The following LIMS1 variants were observed in gnomAD, a reference collection of about 807,000 sequenced individuals.
LIMS1 encodes the protein LIM zinc finger domain containing 1, also known as LIM and senescent cell antigen-like-containing domain protein 1.
A neutral mutation model predicts 44.1 loss-of-function variants in LIMS1; 18 were observed. That is an observed-to-expected ratio of 0.41 (90% CI 0.28 to 0.61). The LOEUF (loss-of-function observed/expected upper bound fraction) is 0.61. LIMS1 is among the 20% of genes least tolerant of loss of function. The probability of loss-of-function intolerance (pLI) is 0.32; values close to 1 mark genes in which losing one functional copy is unlikely to be tolerated. For missense variants in LIMS1, 201 were observed against 422.0 expected, an observed-to-expected ratio of 0.48 and a Z score of 4.59; for synonymous variants, 93 against 149.1, an observed-to-expected ratio of 0.62 and a Z score of 2.74.
intron 1 of LIMS1, among the ~76,000 whole-genome samples, chr2:108,638,470 G>A (rs568097366): frequency 7.5e-4 from 114 of 152,168 alleles, no homozygotes; most frequent in Non-Finnish European, 1.3e-3. Flanking sequence ...GAGGCTGGGC[G>A]TGGTGGTTCA....
At chr2:108,597,675 A>G (rs1190766131) in intron 1 of LIMS1, among the ~76,000 whole-genome samples, 5 of 148,670 alleles carry the variant, frequency 3.4e-5, no homozygotes, top group African/African-American at 5.0e-5. Flanking sequence ...TCACTTATCT[A>G]TAATACAAGC....
At chr2:108,650,561 G>T in intron 1 of LIMS1, among the ~76,000 whole-genome samples, 1 of 152,138 alleles carries the variant, frequency 6.6e-6, no homozygotes, top group African/African-American at 2.4e-5. Context: ...GGGATTACAC[G>T]TGCCCACCAC....
chr2:108,577,431 G>A (rs758032878), intron 1 of LIMS1, among the ~76,000 whole-genome samples: 4 of 152,194 alleles, frequency 2.6e-5, no homozygotes, highest in Non-Finnish European at 5.9e-5. Context: ...AAGTTACTCC[G>A]GGCTCTGCCT....
At position 108,659,590 on chromosome 2, in the gene LIMS1, C is replaced by G. The variant is rs1691181350; in HGVS notation, c.33-15C>G. On this transcript the variant is annotated splice_polypyrimidine_tract_variant and intron_variant, in intron 1 of 9. Coordinates refer to ENST00000544547, the Ensembl canonical transcript of LIMS1. ...GGCTGACGGTCTGCAACCTGCTGTT[C>G]TTTGCGTGTTACAGCAACATGGCCA... 1.9e-6 allele frequency: 3 copies of G among 1,611,250 alleles called. No homozygotes were observed. Among genetic ancestry groups the G allele is most frequent in the Non-Finnish European group, 8.5e-7 (1 of 1,179,500 alleles).
intron 1 of LIMS1, among the ~76,000 whole-genome samples, chr2:108,566,141 G>A (rs529370532): frequency 6.6e-6 from 1 of 152,244 alleles, no homozygotes; most frequent in South Asian, 2.1e-4. Context: ...TGTGTTGTCT[G>A]GGCAGGTTAG....
chr2:108,591,605 A>G (rs1045038433), intron 1 of LIMS1, among the ~76,000 whole-genome samples: 3 of 152,000 alleles, frequency 2.0e-5, no homozygotes, highest in African/African-American at 7.2e-5. Flanking sequence ...GACTACAGGC[A>G]CACACCACCA....
Position 108,612,053 on chromosome 2 carries a change from CATAT to C in LIMS1, c.33-47538_33-47535del, listed in dbSNP as rs113417984. Among the ~76,000 whole-genome samples, 674 of 89,288 alleles carry C rather than the reference CATAT, an allele frequency of 7.5e-3. 10 individuals carry two copies. Among genetic ancestry groups the C allele is most frequent in the South Asian group, 0.024 (63 of 2,664 alleles). The allele number at this position is 89,288 out of a possible 152,430, so 58.6% of individuals were successfully genotyped here. A position where few individuals can be genotyped will look rare whatever the true frequency, so the allele number is the denominator to read the frequency against. On this transcript the variant is annotated intron_variant, in intron 1 of 9. Coordinates refer to ENST00000544547, the Ensembl canonical transcript of LIMS1. ...ATACACACACACACACACACACACA[CATAT>C]ATATATATATATACATATATATATG...
At chr2:108,569,865 T>C (rs1236024581) in intron 1 of LIMS1, among the ~76,000 whole-genome samples, 1 of 148,282 alleles carries the variant, frequency 6.7e-6, no homozygotes, top group African/African-American at 2.5e-5. Flanking sequence ...CCTCCCAAAG[T>C]GCTGGGATTA....
intron 1 of LIMS1, among the ~76,000 whole-genome samples, chr2:108,591,677 C>G (rs1043780616): frequency 2.6e-5 from 4 of 151,864 alleles, no homozygotes; most frequent in African/African-American, 9.7e-5. Context: ...CCAGGCTTGT[C>G]TTGAACTCCT....
chr2:108,651,125 G>A (rs1348005101), intron 1 of LIMS1, among the ~76,000 whole-genome samples: 9 of 152,164 alleles, frequency 5.9e-5, no homozygotes, highest in Non-Finnish European at 1.0e-4. Context: ...CCCGGGGCCT[G>A]TTTACTCCCA....
chr2:108,625,568 G>T (rs1010383520), intron 1 of LIMS1, among the ~76,000 whole-genome samples: 2 of 151,762 alleles, frequency 1.3e-5, no homozygotes, highest in Non-Finnish European at 2.9e-5. Context: ...CATTTGAAAA[G>T]AATATGAATC....
chr2:108,657,511 C>G (rs1573572020), intron 1 of LIMS1, among the ~76,000 whole-genome samples: 1 of 152,292 alleles, frequency 6.6e-6, no homozygotes, highest in African/African-American at 2.4e-5. Context: ...TCCAGGAATA[C>G]CTGTGGACTT....
At position 108,567,339 on chromosome 2, in the gene LIMS1, A is replaced by G. The variant is rs113247101; in HGVS notation, c.32+32745A>G. Among the ~76,000 whole-genome samples the G allele has an allele frequency of 5.9e-3, 895 of 152,218 alleles. 6 individuals carry two copies. The highest frequency in any genetic ancestry group is 6.6e-3 in the Non-Finnish European group (451 of 68,014). ...CCTGTGACGGGATGGAGTCTCGTCC[A>G]GGGTTGGTTCCCATCTTGCTCCCTG... On this transcript the variant is annotated intron_variant, in intron 1 of 9. Transcript: ENST00000544547.
intron 1 of LIMS1, among the ~76,000 whole-genome samples, chr2:108,556,130 C>T (rs541657868): frequency 6.6e-6 from 1 of 152,162 alleles, no homozygotes; most frequent in Non-Finnish European, 1.5e-5. Flanking sequence ...CTAGTAACTT[C>T]TGTTCTACTT....
At chr2:108,593,706 A>G (rs1352851017) in intron 1 of LIMS1, among the ~76,000 whole-genome samples, 3 of 152,228 alleles carry the variant, frequency 2.0e-5, no homozygotes, top group African/African-American at 7.2e-5. Context: ...GCACACTGCT[A>G]GCAACAGCTG....
At chr2:108,551,480 TGC>T (rs57736859) in intron 1 of LIMS1, among the ~76,000 whole-genome samples, 17,354 of 117,066 alleles carry the variant, frequency 0.15, 1,762 homozygotes, top group East Asian at 0.42. Flanking sequence ...TATACATATA[TGC>T]GCGCGCGCGC....
rs561050171 is a variant in LIMS1 at position 108,595,971 on chromosome 2, G to A, written c.32+61377G>A. 2.4e-4 allele frequency among the ~76,000 whole-genome samples: 37 copies of A among 152,314 alleles called. No homozygotes were observed. The South Asian group carries it at 6.8e-3, about 28-fold the overall frequency. ...CTGAGGTTATCTGTGGAGGGTGGAAGGCTTATGCTGAAGTGGCCCCCTGAG... is the reference window on the plus strand; with the variant it reads ...CTGAGGTTATCTGTGGAGGGTGGAAAGCTTATGCTGAAGTGGCCCCCTGAG... On this transcript the variant is annotated intron_variant, in intron 1 of 9. Coordinates refer to ENST00000544547, the Ensembl canonical transcript of LIMS1.
intron 1 of LIMS1, among the ~76,000 whole-genome samples, chr2:108,591,453 CT>C (rs1235610837): frequency 6.6e-6 from 1 of 151,980 alleles, no homozygotes; most frequent in South Asian, 2.1e-4. Context: ...TTCAGTGAAA[CT>C]TTTTTTAAAA....
chr2:108,558,654 A>ATATT (rs1189441548), intron 1 of LIMS1, among the ~76,000 whole-genome samples: 2 of 148,636 alleles, frequency 1.3e-5, no homozygotes, highest in Admixed American at 7.0e-5. Flanking sequence ...TTTTAAGAAT[A>ATATT]TATTTATTTA....
Sources: allele counts gnomAD v4.1 joint callset (sites outside exome capture counted in the v4.1 genomes callset), GRCh38; gene constraint gnomAD v4.1.1; transcripts MANE v1.5; gene names NCBI Gene and HGNC (gene_info 2026-07-23, HGNC 2026-07-21).